The following RAB21 variants were observed in gnomAD, a reference collection of about 807,000 sequenced individuals.
RAB21 encodes ras-related protein Rab-21.
A neutral mutation model predicts 33.1 loss-of-function variants in RAB21; 13 were observed. The observed-to-expected ratio is 0.39, with a 90% CI of 0.26 to 0.62. The LOEUF is 0.62. RAB21 is among the 20% of genes least tolerant of loss of function. RAB21 has a pLI of 0.48. For synonymous variants in RAB21, 91 were observed against 103.7 expected (o/e 0.88, Z 0.74); for missense variants, 234 against 279.1 (o/e 0.84, Z 1.15).
Position 71,785,565 on chromosome 12 carries a change from A to G in RAB21, c.570A>G (p.Ala190=). Residue 190 remains alanine (A), a synonymous_variant, in exon 7 of 7, where the codon GCA becomes GCG. Coordinates refer to ENST00000261263, the MANE Select transcript of RAB21 (RefSeq NM_014999.4). The part of the protein sequence containing the change: ...MIETAQVDER[A]KGNGSSQPGT... Reference sequence around the variant, plus strand: ...AAACAGCACAAGTGGATGAGAGAGCAAAAGGCAATGGCTCTAGTCAGCCGG... The same window carrying G: ...AAACAGCACAAGTGGATGAGAGAGCGAAAGGCAATGGCTCTAGTCAGCCGG... 1 of 1,614,186 alleles carries G rather than the reference A, an allele frequency of 6.2e-7. No homozygotes were observed. The highest frequency in any genetic ancestry group is 1.7e-5 in the Admixed American group (1 of 60,030).
chr12:71,775,640 G>A (rs985020953), intron 4 of RAB21, among the ~76,000 whole-genome samples: 10 of 152,062 alleles, frequency 6.6e-5, no homozygotes, highest in Non-Finnish European at 1.5e-4. Context: ...GGGTTCAAGC[G>A]ATTCTCCTCC....
At position 71,795,259 on chromosome 12, in the gene RAB21, T is replaced by C. The variant is rs1322231034; in HGVS notation, c.*9586T>C. On this transcript the variant is annotated 3_prime_UTR_variant, in exon 7 of 7. Coordinates refer to ENST00000261263, the MANE Select transcript of RAB21 (RefSeq NM_014999.4). Reference sequence around the variant, plus strand: ...ATCCATGAATAGCCCCTTAAAAATATTGTCAAAGCATCATGGTATTTGTAG... The same window carrying C: ...ATCCATGAATAGCCCCTTAAAAATACTGTCAAAGCATCATGGTATTTGTAG... The C allele has an allele frequency of 6.6e-6, 1 of 152,202 alleles. No individual in the cohort carries two copies. The highest frequency in any genetic ancestry group is 6.5e-5 in the Admixed American group (1 of 15,286). 9.4% of individuals were successfully genotyped at this position (152,202 alleles called of 1,614,324 possible). A position where few individuals can be genotyped will look rare whatever the true frequency, so the allele number is the denominator to read the frequency against.
At chr12:71,769,394 T>A (rs984844516) in intron 1 of RAB21, among the ~76,000 whole-genome samples, 2 of 152,226 alleles carry the variant, frequency 1.3e-5, no homozygotes, top group African/African-American at 4.8e-5. Context: ...AACTGTGGAA[T>A]CATTTTGAAT....
chr12:71,755,147 C>CGGCGGCGGCGG lies in RAB21; in HGVS notation c.30_40dup (p.Ala14GlyfsTer48). ...GCGACGGGATGGCTGCGGCCGGCGG[C>CGGCGGCGGCGG]GGCGGCGGCGGGGCGGCGGCGGCGG... On this transcript the variant is annotated frameshift_variant, in exon 1 of 7. Coordinates refer to ENST00000261263, the MANE Select transcript of RAB21 (RefSeq NM_014999.4). LOFTEE classifies it high-confidence loss of function. 2.3e-6 allele frequency: 3 copies of CGGCGGCGGCGG among 1,281,142 alleles called. No individual in the cohort carries two copies. Among genetic ancestry groups the CGGCGGCGGCGG allele is most frequent in the Non-Finnish European group, 3.0e-6 (3 of 1,013,772 alleles). 79.4% of individuals were successfully genotyped at this position (1,281,142 alleles called of 1,614,324 possible).
In RAB21 at chr12:71,791,461, C is replaced by G. The variant is rs1883381879; in HGVS notation, c.*5788C>G. 1.3e-5 allele frequency: 2 copies of G among 152,076 alleles called. No homozygotes were observed. Among genetic ancestry groups the G allele is most frequent in the Admixed American group, 1.3e-4 (2 of 15,248 alleles). 9.4% of individuals were successfully genotyped at this position (152,076 alleles called of 1,614,324 possible). A position where few individuals can be genotyped will look rare whatever the true frequency, so the allele number is the denominator to read the frequency against. On this transcript the variant is annotated 3_prime_UTR_variant, in exon 7 of 7. Coordinates refer to ENST00000261263, the MANE Select transcript of RAB21 (RefSeq NM_014999.4). ...ATCTAGGAGTTAACTTTAGCAGATT[C>G]TTTTATCAGAATACGTTTTTTATTG... is the stretch of plus-strand genomic sequence containing the variant.
rs1883370408 is a variant in RAB21, at chr12:71,790,853, A to G, written c.*5180A>G. ...TCATTTTATTTCCTCCCACATTTCT[A>G]TGGATGTGTCTTGCCTTTTTCTTTT... On this transcript the variant is annotated 3_prime_UTR_variant, in exon 7 of 7. Coordinates refer to ENST00000261263, the MANE Select transcript of RAB21 (RefSeq NM_014999.4). The G allele has an allele frequency of 6.8e-6, 1 of 146,884 alleles. No homozygotes were observed. The highest frequency in any genetic ancestry group is 2.5e-5 in the African/African-American group (1 of 39,862). The allele number at this position is 146,884 out of a possible 1,614,324, so 9.1% of individuals were successfully genotyped here. A position where few individuals can be genotyped will look rare whatever the true frequency, so the allele number is the denominator to read the frequency against.
chr12:71,790,072 C>T lies in RAB21; in HGVS notation c.*4399C>T, dbSNP rs1014792187. The T allele has an allele frequency of 2.6e-5, 4 of 152,048 alleles. No homozygotes were observed. Among genetic ancestry groups the T allele is most frequent in the African/African-American group, 7.2e-5 (3 of 41,404 alleles). The allele number at this position is 152,048 out of a possible 1,614,324, so 9.4% of individuals were successfully genotyped here. ...TTGCTTTTCTGGAAAACTGCTTTGG[C>T]GCATTAACCTTTCTACTGCAACATT... On this transcript the variant is annotated 3_prime_UTR_variant, in exon 7 of 7. Transcript: ENST00000261263.
intron 4 of RAB21, among the ~76,000 whole-genome samples, chr12:71,781,732 A>G (rs77546942): frequency 0.042 from 6,354 of 152,192 alleles, 481 homozygotes; most frequent in African/African-American, 0.15. Context: ...GTTTATCTCT[A>G]GGTCTCTGGT....
At chr12:71,774,673 C>G (rs1381527390) in intron 4 of RAB21, among the ~76,000 whole-genome samples, 1 of 151,382 alleles carries the variant, frequency 6.6e-6, no homozygotes, top group African/African-American at 2.4e-5. Context: ...AGGAGAATCA[C>G]TTGAACCCAG....
Position 71,797,945 on chromosome 12 carries a change from A to G in RAB21, c.*12272A>G, listed in dbSNP as rs1592656066. 2 of 152,188 alleles carry G rather than the reference A, an allele frequency of 1.3e-5. No homozygotes were observed. The highest frequency in any genetic ancestry group is 1.9e-4 in the East Asian group (1 of 5,198). The allele number at this position is 152,188 out of a possible 1,614,324, so 9.4% of individuals were successfully genotyped here. A position where few individuals can be genotyped will look rare whatever the true frequency, so the allele number is the denominator to read the frequency against. On this transcript the variant is annotated 3_prime_UTR_variant, in exon 7 of 7. Transcript: ENST00000261263. ...TTCCAGTTTAAATATGAAAACTGAA[A>G]TGTTTAAAGTACCCAAAGAGGTTGT...
chr12:71,779,103 C>T (rs1257864069), intron 4 of RAB21, among the ~76,000 whole-genome samples: 1 of 152,142 alleles, frequency 6.6e-6, no homozygotes, highest in Admixed American at 6.5e-5. Flanking sequence ...ATCAACCCTG[C>T]AAGGTTTGTT....
At chr12:71,785,268 A>C (rs2137659908) in intron 6 of RAB21, among the ~76,000 whole-genome samples, 1 of 152,264 alleles carries the variant, frequency 6.6e-6, no homozygotes, top group South Asian at 2.1e-4. Flanking sequence ...TGTTCAGAGC[A>C]AAAAAATTTT....
chr12:71,767,600 G>A (rs868472684), intron 1 of RAB21, among the ~76,000 whole-genome samples: 3 of 152,068 alleles, frequency 2.0e-5, no homozygotes, highest in East Asian at 1.9e-4. Context: ...TTTATGTTAC[G>A]ATATAATAAG....
chr12:71,768,671 C>T (rs1488657295), intron 1 of RAB21, among the ~76,000 whole-genome samples: 1 of 152,156 alleles, frequency 6.6e-6, no homozygotes, highest in African/African-American at 2.4e-5. Context: ...TTCCCCATTG[C>T]TTGAAACCAT....
At chr12:71,765,616 G>A (rs1187797154) in intron 1 of RAB21, among the ~76,000 whole-genome samples, 2 of 152,032 alleles carry the variant, frequency 1.3e-5, no homozygotes, top group African/African-American at 4.8e-5. Context: ...TCCATCTTGA[G>A]TTGATTTTTG....
chr12:71,763,161 G>T (rs1485808391), intron 1 of RAB21, among the ~76,000 whole-genome samples: 1 of 148,234 alleles, frequency 6.7e-6, no homozygotes, highest in Non-Finnish European at 1.5e-5. Context: ...ACTCCCCAAC[G>T]GCAGGCCCCC....
chr12:71,763,097 G>GCACACACACACACA (rs926924426), intron 1 of RAB21, among the ~76,000 whole-genome samples: 1 of 50,310 alleles, frequency 2.0e-5, no homozygotes, highest in South Asian at 1.6e-3. Context: ...TATTTATTTT[G>GCACACACACACACA]CACGCACACA....
chr12:71,776,868 C>A (rs1883127737), intron 4 of RAB21, among the ~76,000 whole-genome samples: 1 of 152,170 alleles, frequency 6.6e-6, no homozygotes, highest in Admixed American at 6.5e-5. Flanking sequence ...TCCTTCTTTT[C>A]ACCCCATCTT....
intron 5 of RAB21, among the ~76,000 whole-genome samples, 162 bp downstream of exon 5, chr12:71,782,247 A>G (rs1883212895): frequency 2.0e-5 from 3 of 152,244 alleles, no homozygotes; most frequent in South Asian, 4.1e-4. Context: ...GCTTGTGGCA[A>G]TAAAGCCCTT....
Sources: allele counts gnomAD v4.1 joint callset (sites outside exome capture counted in the v4.1 genomes callset), GRCh38; gene constraint gnomAD v4.1.1; transcripts MANE v1.5; gene names NCBI Gene and HGNC (gene_info 2026-07-23, HGNC 2026-07-21).